UPF2: variants seen among roughly 807,000 people sequenced by gnomAD.
UPF2 encodes UPF2 regulator of nonsense mediated mRNA decay, also known as regulator of nonsense transcripts 2.
UPF2 carries 17 observed loss-of-function variants against 141.4 expected under a neutral mutation model. The ratio of observed to expected loss-of-function variants is 0.12; its 90% CI spans 0.08 to 0.18. The LOEUF is 0.18. Among genes scored for constraint, UPF2 ranks in the 10% least tolerant of loss-of-function variants. The pLI, the probability that UPF2 is intolerant of heterozygous loss-of-function variation, is 1.00. For synonymous variants in UPF2, 540 were observed against 498.0 expected (o/e 1.08, Z -1.12); for missense variants, 1,152 against 1,515.9 (o/e 0.76, Z 3.99).
intron 3 of UPF2, among the ~76,000 whole-genome samples, chr10:12,028,200 G>C (rs1235245024): frequency 2.0e-5 from 3 of 152,084 alleles, no homozygotes; most frequent in East Asian, 3.9e-4. Context: ...AATGCCCCCA[G>C]GAAGAAGACT....
chr10:12,038,621 C>T (rs1396937068), intron 1 of UPF2, among the ~76,000 whole-genome samples: 2 of 150,530 alleles, frequency 1.3e-5, no homozygotes, highest in Admixed American at 6.6e-5. Flanking sequence ...CCCAGCTACT[C>T]GGGAGGCTGA....
chr10:12,035,445 T>C lies in UPF2; in HGVS notation c.-18-4A>G, dbSNP rs1834608608. 2.0e-6 allele frequency: 3 copies of C among 1,519,692 alleles called. No individual in the cohort carries two copies. The highest frequency in any genetic ancestry group is 2.6e-6 in the Non-Finnish European group (3 of 1,143,514). The allele number at this position is 1,519,692 out of a possible 1,614,324, so 94.1% of individuals were successfully genotyped here. On this transcript the variant is annotated splice_region_variant and splice_polypyrimidine_tract_variant and intron_variant, in intron 1 of 21. Transcript: ENST00000357604. ...GCATTATGTGACCCAGGACAATCTG[T>C]AAGAGGGAAAGAATGTCAGTACCAT...
chr10:11,937,789 C>G (rs926818291), intron 18 of UPF2, among the ~76,000 whole-genome samples: 5 of 152,162 alleles, frequency 3.3e-5, no homozygotes, highest in Admixed American at 3.3e-4. Context: ...ACTTGCAAAT[C>G]AAGCAAAATC....
At chr10:12,011,007 A>C (rs1834117830) in intron 4 of UPF2, among the ~76,000 whole-genome samples, 1 of 152,114 alleles carries the variant, frequency 6.6e-6, no homozygotes, top group Non-Finnish European at 1.5e-5. Flanking sequence ...TAAGAGATAG[A>C]GTCTCACTCT....
Position 11,959,266 on chromosome 10 carries a change from G to C in UPF2, c.2275C>G (p.Pro759Ala), listed in dbSNP as rs752496843. 9.3e-6 allele frequency: 15 copies of C among 1,613,146 alleles called. No homozygotes were observed. Among genetic ancestry groups the C allele is most frequent in the Non-Finnish European group, 1.3e-5 (15 of 1,179,780 alleles). ...TTCTTTTTCACGGTTTTTTCAGCTG[G>C]AGGTGGGTTGCAGTAGTAATATGCA... The part of the protein sequence containing the change: ...ENAYYYCNPP[P>A]AEKTVKKKRP... Residue 759 changes from proline to alanine, a missense_variant, in exon 12 of 22, where the codon CCA becomes GCA. Pro to Ala is a conservative substitution (Grantham distance 27). Around this residue, in one of 4 missense-constraint regions of UPF2, gnomAD observed 739 missense variants for 1,032.2 expected, o/e 0.72. Coordinates refer to ENST00000357604, the MANE Select transcript of UPF2 (RefSeq NM_015542.4). The surrounding 1 kb of genome is among the most constrained non-coding windows in gnomAD (Gnocchi z 5.9).
At chr10:11,990,427 T>A (rs895181327) in intron 8 of UPF2, among the ~76,000 whole-genome samples, 2 of 152,112 alleles carry the variant, frequency 1.3e-5, no homozygotes, top group Admixed American at 6.5e-5. Context: ...AGCAAAAATA[T>A]GTCCTTAAAA....
In UPF2 at chr10:11,920,465, T is replaced by C. The variant is rs1400388241; in HGVS notation, c.*833A>G. ...ACAAAATATTCTCATCCACTTCTTG[T>C]TGTCCTTCGTTCGTTTTCTGTGACA... is the stretch of plus-strand genomic sequence containing the variant. On this transcript the variant is annotated 3_prime_UTR_variant, in exon 22 of 22. Coordinates refer to ENST00000357604, the MANE Select transcript of UPF2 (RefSeq NM_015542.4). 2 of 152,698 alleles carry C rather than the reference T, an allele frequency of 1.3e-5. No individual in the cohort carries two copies. Among genetic ancestry groups the C allele is most frequent in the Non-Finnish European group, 2.9e-5 (2 of 68,370 alleles). 9.5% of individuals were successfully genotyped at this position (152,698 alleles called of 1,614,324 possible).
chr10:11,929,915 T>G lies in UPF2; in HGVS notation c.3759A>C (p.Gln1253His), dbSNP rs1417128368. The G allele has an allele frequency of 3.1e-6, 5 of 1,614,248 alleles. No homozygotes were observed. In the South Asian group the frequency reaches 5.5e-5, roughly 18 times the overall value. ...NTNRERRPRY[Q>H]HPKGAPNADL... ...CTGCATTAGGTGCTCCCTTCGGATGTTGGTAGCGAGGCCGCCTCTCACGAT... is the reference window on the plus strand; with the variant it reads ...CTGCATTAGGTGCTCCCTTCGGATGGTGGTAGCGAGGCCGCCTCTCACGAT... Residue 1253 changes from glutamine to histidine, a missense_variant, in exon 21 of 22, where the codon CAA becomes CAC. Gln to His is a conservative substitution (Grantham distance 24). Transcript: ENST00000357604.
At chr10:11,938,922 CTG>C (rs1832901302) in intron 18 of UPF2, among the ~76,000 whole-genome samples, 1 of 123,682 alleles carries the variant, frequency 8.1e-6, no homozygotes, top group Non-Finnish European at 1.6e-5. Context: ...TGCAGAGAGA[CTG>C]TGCAGTGGCA....
intron 3 of UPF2, among the ~76,000 whole-genome samples, chr10:12,028,494 T>A (rs1276320150): frequency 6.6e-6 from 1 of 152,208 alleles, no homozygotes; most frequent in Non-Finnish European, 1.5e-5. Flanking sequence ...ACAGGAAGAA[T>A]ACACATCCAC....
At chr10:12,006,813 T>G (rs1834042136) in intron 4 of UPF2, among the ~76,000 whole-genome samples, 1 of 152,222 alleles carries the variant, frequency 6.6e-6, no homozygotes, top group Non-Finnish European at 1.5e-5. Context: ...TTGTTATTCA[T>G]AACAAGCTTT....
intron 8 of UPF2, among the ~76,000 whole-genome samples, chr10:11,983,576 A>G (rs925246393): frequency 6.6e-6 from 1 of 152,014 alleles, no homozygotes; most frequent in Non-Finnish European, 1.5e-5. Flanking sequence ...GTTTCACTGT[A>G]TTAGCCAGGA....
chr10:11,988,830 C>T lies in UPF2; in HGVS notation c.1844+8842G>A, dbSNP rs186684288. Among the ~76,000 whole-genome samples the T allele has an allele frequency of 2.6e-3, 391 of 152,290 alleles. 1 individual carries two copies. The highest frequency in any genetic ancestry group is 8.9e-3 in the African/African-American group (369 of 41,542). ...ACTCTCTTTACTCCCCTTATCTCCTCGCTTGAGGGCTATCAGACATCACTG... is the reference window on the plus strand; with the variant it reads ...ACTCTCTTTACTCCCCTTATCTCCTTGCTTGAGGGCTATCAGACATCACTG... On this transcript the variant is annotated intron_variant, in intron 8 of 21. Transcript: ENST00000357604.
intron 3 of UPF2, among the ~76,000 whole-genome samples, chr10:12,023,042 T>C (rs972541838): frequency 6.6e-6 from 1 of 152,172 alleles, no homozygotes; most frequent in African/African-American, 2.4e-5. Context: ...TAAAGATATT[T>C]TGAGATTACT....
At chr10:11,938,853 GTTTTTTTTTTTTTTT>G (rs58106776) in intron 18 of UPF2, among the ~76,000 whole-genome samples, 7,580 of 80,170 alleles carry the variant, frequency 0.095, 378 homozygotes, top group South Asian at 0.31. Context: ...TTTTTTTTTT[GTTTTTTTTTTTTTTT>G]TTTTTTTTTT....
chr10:11,969,374 T>C (rs1020085194), intron 9 of UPF2, among the ~76,000 whole-genome samples: 2 of 152,092 alleles, frequency 1.3e-5, no homozygotes, highest in Admixed American at 6.5e-5. Context: ...TTTCACTATG[T>C]TGGTCAGGCT....
intron 13 of UPF2, 39 bp from the exon 14 acceptor site, chr10:11,955,546 A>G: frequency 6.4e-7 from 1 of 1,566,424 alleles, no homozygotes; most frequent in African/African-American, 1.4e-5. Flanking sequence ...ATTAAAGAGG[A>G]GTAGTGTATA....
chr10:11,938,399 TA>T (rs1403502929), intron 18 of UPF2, among the ~76,000 whole-genome samples: 1 of 152,170 alleles, frequency 6.6e-6, no homozygotes, highest in African/African-American at 2.4e-5. Context: ...AATTACTTAC[TA>T]GGGGTAAATT....
At position 12,004,642 on chromosome 10, in the gene UPF2, A is replaced by G; in HGVS notation, c.1392T>C (p.Ala464=). The G allele has an allele frequency of 6.2e-7, 1 of 1,613,908 alleles. No individual in the cohort carries two copies. The highest frequency in any genetic ancestry group is 8.5e-7 in the Non-Finnish European group (1 of 1,179,924). Residue 464 remains alanine, a synonymous_variant, in exon 5 of 22, where the codon GCT becomes GCC. Coordinates refer to ENST00000357604, the MANE Select transcript of UPF2 (RefSeq NM_015542.4). ...LEGGIWEDED[A]RNFYENLIDL... is the part of the protein sequence containing the mutation. ...CAATGAGGTTCTCATAAAAATTCCG[A>G]GCATCTTCATCTTCCCATATACCAC... is the stretch of plus-strand genomic sequence containing the variant.
Sources: allele counts gnomAD v4.1 joint callset (sites outside exome capture counted in the v4.1 genomes callset), GRCh38; gene constraint gnomAD v4.1.1; regional missense constraint gnomAD v4.1.1; non-coding constraint Gnocchi (gnomAD v3.1); transcripts MANE v1.5; gene names NCBI Gene and HGNC (gene_info 2026-07-23, HGNC 2026-07-21).